The following MXD1 variants were observed in gnomAD, a reference collection of about 807,000 sequenced individuals.
MXD1 encodes the protein MAX-binding protein.
MXD1 carries 9 observed loss-of-function variants against 25.7 expected under a neutral mutation model. The ratio of observed to expected loss-of-function variants is 0.35; its 90% CI spans 0.21 to 0.61. MXD1 has a LOEUF of 0.61. Among genes scored for constraint, MXD1 ranks in the 20% least tolerant of loss-of-function variants. MXD1 has a pLI of 0.75. For missense variants in MXD1, 227 were observed against 292.4 expected (o/e 0.78, Z 1.63); for synonymous variants, 99 against 113.9 (o/e 0.87, Z 0.83).
intron 2 of MXD1, among the ~76,000 whole-genome samples, chr2:69,920,790 A>C (rs1378080463): frequency 2.6e-5 from 4 of 152,140 alleles, no homozygotes; most frequent in Non-Finnish European, 4.4e-5. Flanking sequence ...CAAATTTATA[A>C]CTGGTTAGGA....
intron 3 of MXD1, among the ~76,000 whole-genome samples, chr2:69,923,785 G>T (rs1677118046): frequency 6.6e-6 from 1 of 152,168 alleles, no homozygotes; most frequent in African/African-American, 2.4e-5. Flanking sequence ...AGTCAGTTGT[G>T]GCTTCTCTTT....
intron 3 of MXD1, among the ~76,000 whole-genome samples, chr2:69,931,369 A>C (rs777943016): frequency 7.9e-5 from 12 of 151,638 alleles, no homozygotes; most frequent in Non-Finnish European, 2.9e-5. Flanking sequence ...CCTACTCTCT[A>C]TGTCTGTGAG....
At chr2:69,937,059 G>A (rs1170247662) in intron 4 of MXD1, 176 bp from the exon 5 acceptor site, 4 of 829,452 alleles carry the variant, frequency 4.8e-6, no homozygotes, top group African/African-American at 1.7e-5. Context: ...AGAGTCAGAC[G>A]AAGCCAGGAG....
chr2:69,923,792 C>G (rs1247615514), intron 3 of MXD1, among the ~76,000 whole-genome samples: 8 of 152,210 alleles, frequency 5.3e-5, no homozygotes, highest in African/African-American at 1.9e-4. Flanking sequence ...TGTGGCTTCT[C>G]TTTCTCATTT....
Position 69,935,329 on chromosome 2 carries a change from T to C in MXD1, c.204-22T>C. On this transcript the variant is annotated intron_variant, in intron 3 of 5. Transcript: ENST00000264444. ...GGCCCACTGTGAAACTCTCAAATGC[T>C]ACTGTGGTCTTGTTTTCATAGACGG... The C allele has an allele frequency of 5.1e-6, 8 of 1,562,944 alleles. 1 individual carries two copies. Among genetic ancestry groups the C allele is most frequent in the South Asian group, 2.2e-5 (2 of 90,004 alleles).
chr2:69,925,074 T>G (rs1277221818), intron 3 of MXD1, among the ~76,000 whole-genome samples: 1 of 152,178 alleles, frequency 6.6e-6, no homozygotes, highest in Non-Finnish European at 1.5e-5. Flanking sequence ...AGATGCCGTG[T>G]AGTAGGTGCT....
At position 69,941,718 on chromosome 2, in the gene MXD1, A is replaced by C. The variant is rs1329155699; in HGVS notation, c.*3434A>C. 6.6e-6 allele frequency: 1 copy of C among 151,824 alleles called. No homozygotes were observed. The highest frequency in any genetic ancestry group is 2.4e-5 in the African/African-American group (1 of 41,068). The allele number at this position is 151,824 out of a possible 1,614,324, so 9.4% of individuals were successfully genotyped here. Reference sequence around the variant, plus strand: ...GAGCAAATCCTGGGGGATAAGAAAAAAGTGTAAACTAGGTAGGATTGTGAT... The same window carrying C: ...GAGCAAATCCTGGGGGATAAGAAAACAGTGTAAACTAGGTAGGATTGTGAT... On this transcript the variant is annotated 3_prime_UTR_variant, in exon 6 of 6. Transcript: ENST00000264444.
Position 69,937,289 on chromosome 2 carries a change from G to C in MXD1, c.373G>C (p.Glu125Gln). ...TCACCAAATCGACCAGCTTCAGCGA[G>C]AGCAGCGACACCTGAAGAGGCAGCT... The part of the protein sequence containing the change: ...AVHQIDQLQR[E>Q]QRHLKRQLEK... The change falls in exon 5 of 6, where the codon GAG becomes CAG. Residue 125 changes from glutamate to glutamine, a missense_variant. Coordinates refer to ENST00000264444, the MANE Select transcript of MXD1 (RefSeq NM_002357.4). 1 of 1,614,214 alleles carries C rather than the reference G, an allele frequency of 6.2e-7. No homozygotes were observed. Among genetic ancestry groups the C allele is most frequent in the Non-Finnish European group, 8.5e-7 (1 of 1,180,024 alleles).
chr2:69,930,591 A>G (rs1032247048), intron 3 of MXD1, among the ~76,000 whole-genome samples: 2 of 152,244 alleles, frequency 1.3e-5, no homozygotes, highest in East Asian at 3.8e-4. Flanking sequence ...TCCATAGAAA[A>G]TGGATTAGAT....
intron 4 of MXD1, among the ~76,000 whole-genome samples, 161 bp downstream of exon 4, chr2:69,935,626 G>A (rs1016574666): frequency 3.9e-5 from 6 of 152,110 alleles, no homozygotes; most frequent in African/African-American, 1.2e-4. Context: ...CCAACTGAGT[G>A]TTTCTCACTC....
rs1677565445 is a variant in MXD1 at position 69,940,249 on chromosome 2, T to C, written c.*1965T>C. 2 of 152,126 alleles carry C rather than the reference T, an allele frequency of 1.3e-5. No individual in the cohort carries two copies. 9.4% of individuals were successfully genotyped at this position (152,126 alleles called of 1,614,324 possible). On this transcript the variant is annotated 3_prime_UTR_variant, in exon 6 of 6. Transcript: ENST00000264444. ...TGCCTTTTGCATTTTTAAAGCCTGCTTCCTGGATTTAAGCAGAGTGATAGT... is the reference window on the plus strand; with the variant it reads ...TGCCTTTTGCATTTTTAAAGCCTGCCTCCTGGATTTAAGCAGAGTGATAGT...
At chr2:69,936,302 T>G (rs11126251) in intron 4 of MXD1, among the ~76,000 whole-genome samples, 87,105 of 151,768 alleles carry the variant, frequency 0.57, 27,448 homozygotes, top group African/African-American at 0.83. Context: ...GTGACCATTG[T>G]GTTGTCTCAA....
Position 69,915,142 on chromosome 2 carries a change from T to TGCCCAGCTCACTGGCCCC in MXD1, c.-188_-171dup, listed in dbSNP as rs1676933883. On this transcript the variant is annotated 5_prime_UTR_variant, in exon 1 of 6. Transcript: ENST00000264444. The surrounding 1 kb of genome is among the most constrained non-coding windows in gnomAD (Gnocchi z 5.8). The stretch of plus-strand genomic sequence containing the variant: ...CCGGGTTCTGTCACTGTGTCGGCGG[T>TGCCCAGCTCACTGGCCCC]GCCCAGCTCACTGGCCCCCTCCCTC... 6 of 426,710 alleles carry TGCCCAGCTCACTGGCCCC rather than the reference T, an allele frequency of 1.4e-5. No homozygotes were observed. In the East Asian group the frequency reaches 2.1e-4, roughly 15 times the overall value. 26.4% of individuals were successfully genotyped at this position (426,710 alleles called of 1,614,324 possible).
intron 3 of MXD1, among the ~76,000 whole-genome samples, chr2:69,930,869 G>C (rs1396764173): frequency 6.6e-6 from 1 of 152,162 alleles, no homozygotes; most frequent in Non-Finnish European, 1.5e-5. Context: ...TCCATACCTT[G>C]TCTCAGTCAA....
At chr2:69,929,649 A>G (rs1212794115) in intron 3 of MXD1, among the ~76,000 whole-genome samples, 2 of 152,364 alleles carry the variant, frequency 1.3e-5, no homozygotes, top group East Asian at 3.9e-4. Context: ...AGTTAAGGAA[A>G]ACTAACAGCA....
intron 4 of MXD1, chr2:69,936,922 A>ATGAT: frequency 2.0e-6 from 1 of 509,950 alleles, no homozygotes; most frequent in East Asian, 5.5e-5. Context: ...AAGGGAGATC[A>ATGAT]GGTTGGGGAC....
chr2:69,923,923 T>G (rs550235381), intron 3 of MXD1, among the ~76,000 whole-genome samples: 8 of 152,372 alleles, frequency 5.3e-5, no homozygotes, highest in African/African-American at 1.9e-4. Context: ...TAGTTTGGTA[T>G]TTATTTTTAT....
chr2:69,924,087 G>C (rs188720395), intron 3 of MXD1, among the ~76,000 whole-genome samples: 25 of 152,308 alleles, frequency 1.6e-4, no homozygotes, highest in Middle Eastern at 3.4e-3. Context: ...ACTTGTACAT[G>C]TTACTGGGTA....
intron 3 of MXD1, among the ~76,000 whole-genome samples, chr2:69,933,060 G>A (rs990882554): frequency 1.3e-5 from 2 of 151,796 alleles, no homozygotes; most frequent in Admixed American, 6.6e-5. Context: ...TTAGCCGGAC[G>A]TGGTGGCGGG....
Sources: allele counts gnomAD v4.1 joint callset (sites outside exome capture counted in the v4.1 genomes callset), GRCh38; gene constraint gnomAD v4.1.1; non-coding constraint Gnocchi (gnomAD v3.1); transcripts MANE v1.5; gene names NCBI Gene and HGNC (gene_info 2026-07-23, HGNC 2026-07-21).